TPCN1: variants seen among roughly 807,000 people sequenced by gnomAD.
The protein encoded by TPCN1 is two pore segment channel 1, also known as two pore channel protein 1.
A neutral mutation model predicts 108.8 loss-of-function variants in TPCN1; 52 were observed. The observed-to-expected ratio is 0.48, with a 90% CI of 0.38 to 0.60. The LOEUF is 0.60. Ranked by LOEUF, TPCN1 falls within the 20% of genes least tolerant of loss-of-function variation. The pLI is 0.00. For synonymous variants in TPCN1, 446 were observed against 433.7 expected, an observed-to-expected ratio of 1.03 and a Z score of -0.35; for missense variants, 806 against 1,072.8, an observed-to-expected ratio of 0.75 and a Z score of 3.47.
Position 113,288,478 on chromosome 12 carries a change from T to A in TPCN1, c.1706+244T>A. On this transcript the variant is annotated intron_variant, in intron 20 of 27. Transcript: ENST00000335509. The surrounding 1 kb of genome is among the most constrained non-coding windows in gnomAD (Gnocchi z 4.8). ...GGGAGCTGTCAACTCGCTTACCACC[T>A]GTGTCTACATTCACAGGTAAGGGGT... 1 of 1,502,478 alleles carries A rather than the reference T, an allele frequency of 6.7e-7. No individual in the cohort carries two copies. 93.1% of individuals were successfully genotyped at this position (1,502,478 alleles called of 1,614,324 possible).
chr12:113,235,470 C>G (rs16942659), intron 2 of TPCN1, among the ~76,000 whole-genome samples: 2,590 of 148,758 alleles, frequency 0.017, 57 homozygotes, highest in African/African-American at 0.06. Flanking sequence ...AATAAAGATT[C>G]AAGTGAGCAT....
At chr12:113,222,440 C>A (rs1167870250) in intron 1 of TPCN1, among the ~76,000 whole-genome samples, 1 of 152,174 alleles carries the variant, frequency 6.6e-6, no homozygotes, top group Admixed American at 6.5e-5. Context: ...GGAGGTCTCA[C>A]CTGTGCATTG....
chr12:113,244,259 T>G (rs1593102558), intron 2 of TPCN1: 10 of 977,130 alleles, frequency 1.0e-5, no homozygotes, highest in Non-Finnish European at 1.2e-5. Context: ...GCCTTTCTTT[T>G]TCCCTTTCCT....
At chr12:113,270,590 C>T (rs771653204) in intron 7 of TPCN1, among the ~76,000 whole-genome samples, 4 of 151,932 alleles carry the variant, frequency 2.6e-5, no homozygotes, top group Non-Finnish European at 4.4e-5. Flanking sequence ...AAGTGATTCT[C>T]CTGCCTCAGC....
intron 2 of TPCN1, among the ~76,000 whole-genome samples, chr12:113,241,633 C>T (rs558263254): frequency 4.6e-5 from 7 of 152,286 alleles, no homozygotes; most frequent in African/African-American, 1.2e-4. Context: ...TGCTCTTCTC[C>T]GGCTCCCTTC....
At chr12:113,295,161 G>A (rs1380749978) in intron 27 of TPCN1, among the ~76,000 whole-genome samples, 4 of 152,204 alleles carry the variant, frequency 2.6e-5, no homozygotes, top group Admixed American at 2.0e-4. Context: ...GGAAGGAGGT[G>A]TGCTGCCCTT....
intron 2 of TPCN1, among the ~76,000 whole-genome samples, chr12:113,228,798 A>G (rs1555260658): frequency 6.6e-6 from 1 of 152,210 alleles, no homozygotes; most frequent in Non-Finnish European, 1.5e-5. Flanking sequence ...CCACAGTGGA[A>G]GGCGCTTTGG....
Position 113,288,656 on chromosome 12 carries a change from C to A in TPCN1, c.1707-102C>A. 6.4e-7 allele frequency: 1 copy of A among 1,561,162 alleles called. No homozygotes were observed. The highest frequency in any genetic ancestry group is 1.8e-5 in the Admixed American group (1 of 57,074). Reference sequence around the variant, plus strand: ...TTCCAGTTGGTGAACCGACCAGGGGCATGGCCCTGCAGTCAGCCCCACGGG... The same window carrying A: ...TTCCAGTTGGTGAACCGACCAGGGGAATGGCCCTGCAGTCAGCCCCACGGG... On this transcript the variant is annotated intron_variant, in intron 20 of 27. Transcript: ENST00000335509. The surrounding 1 kb of genome is among the most constrained non-coding windows in gnomAD (Gnocchi z 4.8).
chr12:113,275,062 G>A (rs1955625903), intron 10 of TPCN1, among the ~76,000 whole-genome samples: 1 of 152,190 alleles, frequency 6.6e-6, no homozygotes, highest in Admixed American at 6.5e-5. Flanking sequence ...AGGCTGTTAG[G>A]CCGGTGCCCA....
chr12:113,278,891 A>G (rs888365354), intron 14 of TPCN1, 56 bp downstream of exon 14: 7 of 1,504,214 alleles, frequency 4.7e-6, no homozygotes, highest in Non-Finnish European at 6.5e-6. Context: ...GGAGGTTTTC[A>G]GAGACCACAG....
chr12:113,282,291 C>A (rs571727166), intron 15 of TPCN1, among the ~76,000 whole-genome samples: 25 of 151,466 alleles, frequency 1.7e-4, no homozygotes, highest in South Asian at 6.3e-4. Flanking sequence ...CGGGATTTCC[C>A]CACGTTGGCC....
chr12:113,287,047 G>A lies in TPCN1; in HGVS notation c.1587G>A (p.Met529Ile), dbSNP rs781104649. The A allele has an allele frequency of 8.7e-6, 14 of 1,613,934 alleles. No homozygotes were observed. The highest frequency in any genetic ancestry group is 1.1e-5 in the Non-Finnish European group (13 of 1,179,990). Reference protein sequence around the residue: ...FLGLLALALNMEPFYFIVVLR... With the variant: ...FLGLLALALNIEPFYFIVVLR... ...GACTGCTGGCGCTGGCCCTCAACAT[G>A]GAGCCCTTCTATTTCATCGTGGTCC... Residue 529 changes from methionine (M) to isoleucine (I), a missense_variant, in exon 19 of 28, where the codon ATG becomes ATA. Met to Ile is a conservative substitution (Grantham distance 10, BLOSUM62 1). Coordinates refer to ENST00000335509, the MANE Select transcript of TPCN1 (RefSeq NM_017901.6).
At position 113,273,650 on chromosome 12, in the gene TPCN1, G is replaced by A; in HGVS notation, c.924G>A (p.Leu308=). 1 of 1,614,134 alleles carries A rather than the reference G, an allele frequency of 6.2e-7. No homozygotes were observed. Among genetic ancestry groups the A allele is most frequent in the East Asian group, 2.2e-5 (1 of 44,888 alleles). ...VFFIVYLSIE[L]YFIMNLLLAV... ...TCATCGTGTACCTCTCCATCGAGCT[G>A]TATTTCATCATGAACCTGGTGAGTG... Residue 308 remains leucine, a synonymous_variant, in exon 10 of 28, where the codon CTG becomes CTA. Transcript: ENST00000335509. This position sits in a 1 kb window ranked among gnomAD's most constrained non-coding sequence, Gnocchi z 4.0.
At chr12:113,255,311 TAA>T (rs1055964674) in intron 2 of TPCN1, among the ~76,000 whole-genome samples, 14 of 152,194 alleles carry the variant, frequency 9.2e-5, no homozygotes, top group Admixed American at 7.9e-4. Context: ...ATCGGAAATA[TAA>T]AAGACTTAGT....
intron 2 of TPCN1, among the ~76,000 whole-genome samples, chr12:113,248,476 G>A (rs1423198995): frequency 2.6e-5 from 4 of 152,260 alleles, no homozygotes; most frequent in South Asian, 4.1e-4. Flanking sequence ...AAGCCTCAGC[G>A]CTTTGAGGGG....
chr12:113,240,399 A>T (rs1954064243), intron 2 of TPCN1, among the ~76,000 whole-genome samples: 1 of 152,134 alleles, frequency 6.6e-6, no homozygotes. Flanking sequence ...TCTGCAAAGG[A>T]TGGGGTTGAA....
Position 113,231,426 on chromosome 12 carries a change from G to A in TPCN1, c.112+4462G>A, listed in dbSNP as rs146080808. On this transcript the variant is annotated intron_variant, in intron 2 of 27. Transcript: ENST00000335509. The surrounding 1 kb of genome is among the most constrained non-coding windows in gnomAD (Gnocchi z 4.3). ...TCAGATAAGGACACCAGTCCTATTG[G>A]ATTAGGGCTCATCCATATGACCTTG... is the stretch of plus-strand genomic sequence containing the variant. 7.0e-3 allele frequency among the ~76,000 whole-genome samples: 1,072 copies of A among 152,294 alleles called. 7 individuals carry two copies. The highest frequency in any genetic ancestry group is 0.034 in the South Asian group (163 of 4,812).
chr12:113,284,601 G>A lies in TPCN1; in HGVS notation c.1363G>A (p.Gly455Arg), dbSNP rs1956003399. The A allele has an allele frequency of 1.2e-6, 2 of 1,614,198 alleles. No homozygotes were observed. The highest frequency in any genetic ancestry group is 1.7e-6 in the Non-Finnish European group (2 of 1,180,046). The change falls in exon 16 of 28, where the codon GGG (glycine) becomes AGG (arginine). Residue 455 changes from glycine (G) to arginine (R), a missense_variant. Coordinates refer to ENST00000335509, the MANE Select transcript of TPCN1 (RefSeq NM_017901.6). This position sits in a 1 kb window ranked among gnomAD's most constrained non-coding sequence, Gnocchi z 4.1. ...YFMYLVVAVNGVWILVETFML... is the reference protein window; with the variant it reads ...YFMYLVVAVNRVWILVETFML... ...TTCAGACTTGGTGGTGGCAGTCAAC[G>A]GGGTCTGGATCCTCGTGGAGACATT...
At chr12:113,238,757 G>A (rs1953990750) in intron 2 of TPCN1, among the ~76,000 whole-genome samples, 1 of 152,204 alleles carries the variant, frequency 6.6e-6, no homozygotes, top group South Asian at 2.1e-4. Context: ...GGATGTGATC[G>A]ATTTGATGAT....
Sources: gnomAD v4.1 joint callset for allele counts (sites outside exome capture counted in the v4.1 genomes callset) on GRCh38, gnomAD v4.1.1 for gene constraint, Gnocchi (gnomAD v3.1) non-coding constraint, MANE v1.5 for transcripts, NCBI Gene and HGNC (gene_info 2026-07-23, HGNC 2026-07-21) for gene names.